The following THOC1 variants were observed in gnomAD, a reference collection of about 807,000 sequenced individuals.
The protein encoded by THOC1 is THO complex subunit 1.
A neutral mutation model predicts 97.3 loss-of-function variants in THOC1; 29 were observed. The observed-to-expected ratio is 0.30, with a 90% CI of 0.22 to 0.41. The LOEUF is 0.41. Among genes scored for constraint, THOC1 ranks in the 10% least tolerant of loss-of-function variants. The pLI, the probability that THOC1 is intolerant of heterozygous loss-of-function variation, is 1.00. For missense variants in THOC1, 529 were observed against 761.9 expected, an observed-to-expected ratio of 0.69 and a Z score of 3.60; for synonymous variants, 255 against 257.0, an observed-to-expected ratio of 0.99 and a Z score of 0.07.
rs1420787676 is a variant in THOC1 at position 265,528 on chromosome 18, C to A, written c.57G>T (p.Lys19Asn). 6.4e-7 allele frequency: 1 copy of A among 1,567,270 alleles called. No individual in the cohort carries two copies. The change falls in exon 2 of 21, where the codon AAG becomes AAT. Residue 19 changes from lysine (K) to asparagine (N), a missense_variant and splice_region_variant. By Grantham distance (94) the Lys-to-Asn change is moderately conservative. Coordinates refer to ENST00000261600, the MANE Select transcript of THOC1 (RefSeq NM_005131.3). Reference sequence around the variant, plus strand: ...TGTTGTTCAAGGCCTCTCTGGTAGACTTCTAAAAAAAAATTAAAATGGCAA... The same window carrying A: ...TGTTGTTCAAGGCCTCTCTGGTAGAATTCTAAAAAAAAATTAAAATGGCAA... Reference protein sequence around the residue: ...SLPEARTRFTKSTREALNNKN... With the variant: ...SLPEARTRFTNSTREALNNKN...
intron 12 of THOC1, among the ~76,000 whole-genome samples, chr18:226,554 TAATA>T (rs1173094657): frequency 1.3e-5 from 2 of 152,126 alleles, no homozygotes; most frequent in Non-Finnish European, 2.9e-5. Context: ...CTCCACCTGC[TAATA>T]AAGACGACAA....
intron 3 of THOC1, 161 bp downstream of exon 3, chr18:265,142 C>T (rs1912722027): frequency 1.6e-6 from 1 of 612,210 alleles, no homozygotes; most frequent in Non-Finnish European, 2.8e-6. Context: ...CTATCAAAAT[C>T]CTTAGAGAAA....
intron 11 of THOC1, among the ~76,000 whole-genome samples, chr18:241,792 T>A (rs1911910736): frequency 6.6e-6 from 1 of 152,204 alleles, no homozygotes; most frequent in Non-Finnish European, 1.5e-5. Context: ...GAGGGAGGAA[T>A]CCCTACAATA....
intron 7 of THOC1, among the ~76,000 whole-genome samples, chr18:256,698 A>G (rs993448663): frequency 3.9e-5 from 6 of 152,142 alleles, no homozygotes; most frequent in Admixed American, 2.6e-4. Flanking sequence ...TCTGAGACAG[A>G]GTTTAGAATA....
At chr18:215,101 A>G (rs181180062) in intron 20 of THOC1, among the ~76,000 whole-genome samples, 180 bp from the exon 21 acceptor site, 1 of 152,278 alleles carries the variant, frequency 6.6e-6, no homozygotes, top group East Asian at 1.9e-4. Context: ...TCAATAATCA[A>G]AGCTAAAGCT....
chr18:221,822 A>G (rs1172003504), intron 17 of THOC1, among the ~76,000 whole-genome samples: 1 of 151,972 alleles, frequency 6.6e-6, no homozygotes, highest in African/African-American at 2.4e-5. Flanking sequence ...GTTAGCCACG[A>G]TGGTCTCTAT....
At chr18:262,911 T>G (rs1193480009) in intron 4 of THOC1, among the ~76,000 whole-genome samples, 2 of 152,204 alleles carry the variant, frequency 1.3e-5, no homozygotes, top group African/African-American at 4.8e-5. Context: ...AAACTAATTT[T>G]TTATTTCTTC....
rs138370252 is a variant in THOC1 at position 215,156 on chromosome 18, C to T, written c.1679-235G>A. 5.5e-3 allele frequency among the ~76,000 whole-genome samples: 830 copies of T among 152,254 alleles called. 2 individuals are homozygous for T. Among genetic ancestry groups the T allele is most frequent in the African/African-American group, 0.018 (764 of 41,522 alleles). Reference sequence around the variant, plus strand: ...GCTTTCCCTGAAATGAGGTGCTCCCCCTCCAATAACCAATAATTAACAGAG... The same window carrying T: ...GCTTTCCCTGAAATGAGGTGCTCCCTCTCCAATAACCAATAATTAACAGAG... On this transcript the variant is annotated intron_variant, in intron 20 of 20. Coordinates refer to ENST00000261600, the MANE Select transcript of THOC1 (RefSeq NM_005131.3).
intron 18 of THOC1, 85 bp from the exon 19 acceptor site, chr18:216,718 T>C: frequency 7.0e-7 from 1 of 1,434,400 alleles, no homozygotes; most frequent in South Asian, 1.7e-5. Context: ...TGTAATTCTG[T>C]ATTTAAGGTA....
intron 1 of THOC1, among the ~76,000 whole-genome samples, chr18:266,965 A>G (rs1226519029): frequency 6.6e-6 from 1 of 151,448 alleles, no homozygotes; most frequent in African/African-American, 2.4e-5. Flanking sequence ...ATTTAAAAAA[A>G]ACCTCACACT....
chr18:226,714 T>C, intron 12 of THOC1, 87 bp downstream of exon 12: 1 of 909,868 alleles, frequency 1.1e-6, no homozygotes, highest in East Asian at 2.6e-5. Flanking sequence ...TAACATGAAA[T>C]GGACACATAC....
chr18:244,314 T>C (rs1343067077), intron 11 of THOC1: 1 of 152,176 alleles, frequency 6.6e-6, no homozygotes, highest in Non-Finnish European at 1.5e-5. Context: ...TTGCCTTCTG[T>C]ATCCCACTCC....
chr18:229,957 T>C (rs756725708), intron 11 of THOC1, among the ~76,000 whole-genome samples: 2 of 152,220 alleles, frequency 1.3e-5, no homozygotes, highest in Non-Finnish European at 2.9e-5. Flanking sequence ...CACTCTACAG[T>C]TTGAATTACC....
chr18:214,522 G>A lies in THOC1; in HGVS notation c.*104C>T. ...AGCACCAGCCGACTGTACAACAATT[G>A]TTATAAAAATGTTTATTGTTTACCA... On this transcript the variant is annotated 3_prime_UTR_variant, in exon 21 of 21. Transcript: ENST00000261600. 1 of 925,090 alleles carries A rather than the reference G, an allele frequency of 1.1e-6. No homozygotes were observed. Among genetic ancestry groups the A allele is most frequent in the African/African-American group, 1.7e-5 (1 of 59,892 alleles). The allele number at this position is 925,090 out of a possible 1,614,324, so 57.3% of individuals were successfully genotyped here.
chr18:240,680 TG>T (rs1911865736), intron 11 of THOC1, among the ~76,000 whole-genome samples: 1 of 152,320 alleles, frequency 6.6e-6, no homozygotes, highest in East Asian at 1.9e-4. Context: ...ACTGGTTTCA[TG>T]GAAGACAATT....
At chr18:215,070 TA>T (rs1242294203) in intron 20 of THOC1, 149 bp from the exon 21 acceptor site, 6 of 727,286 alleles carry the variant, frequency 8.2e-6, no homozygotes, top group South Asian at 1.9e-5. Flanking sequence ...GTAAGTTGAA[TA>T]CCACTCTTAA....
chr18:255,112 T>C (rs1246285604), intron 7 of THOC1, among the ~76,000 whole-genome samples: 1 of 152,210 alleles, frequency 6.6e-6, no homozygotes, highest in East Asian at 1.9e-4. Flanking sequence ...TGACTCTCTC[T>C]CTCTCCTTGG....
At chr18:231,446 T>C (rs946365614) in intron 11 of THOC1, among the ~76,000 whole-genome samples, 5 of 152,036 alleles carry the variant, frequency 3.3e-5, no homozygotes, top group African/African-American at 1.2e-4. Flanking sequence ...ACAAAATACA[T>C]AAAAAACATG....
At position 223,655 on chromosome 18, in the gene THOC1, A is replaced by T. The variant is rs529597055; in HGVS notation, c.1305-150T>A. On this transcript the variant is annotated intron_variant, in intron 16 of 20. Transcript: ENST00000261600. Reference sequence around the variant, plus strand: ...CTTTTCTCAATAATTTTTGGTATTTAAAATACCTAAAATTATTCTCTATAT... The same window carrying T: ...CTTTTCTCAATAATTTTTGGTATTTTAAATACCTAAAATTATTCTCTATAT... The T allele has an allele frequency of 1.2e-3, 712 of 593,524 alleles. 2 individuals carry two copies. Among genetic ancestry groups the T allele is most frequent in the Non-Finnish European group, 1.8e-3 (636 of 344,242 alleles). 36.8% of individuals were successfully genotyped at this position (593,524 alleles called of 1,614,324 possible). A position where few individuals can be genotyped will look rare whatever the true frequency, so the allele number is the denominator to read the frequency against.
Sources: gnomAD v4.1 joint callset for allele counts (sites outside exome capture counted in the v4.1 genomes callset) on GRCh38, gnomAD v4.1.1 for gene constraint, MANE v1.5 for transcripts, NCBI Gene and HGNC (gene_info 2026-07-23, HGNC 2026-07-21) for gene names.